The following ACACA variants were observed in gnomAD, a reference collection of about 807,000 sequenced individuals.
ACACA encodes the protein acetyl-CoA carboxylase 1.
In ACACA, 103 loss-of-function variants were observed where a neutral mutation model predicts 296.1. That is an observed-to-expected ratio of 0.35 (90% CI 0.30 to 0.41). The LOEUF (loss-of-function observed/expected upper bound fraction) is 0.41, where lower values mean the gene tolerates loss of function less well. ACACA is among the 10% of genes least tolerant of loss of function. The pLI is 1.00. For synonymous variants in ACACA, 953 were observed against 1,038.6 expected (o/e 0.92, Z 1.58); for missense variants, 1,554 against 2,989.7 (o/e 0.52, Z 11.20).
At chr17:37,151,233 T>A in intron 44 of ACACA, 68 bp downstream of exon 44, 1 of 1,591,064 alleles carries the variant, frequency 6.3e-7, no homozygotes, top group Admixed American at 1.7e-5. Flanking sequence ...ATAGCAGTGA[T>A]AAGAGAAAAA....
chr17:37,268,737 CTATCTATATATA>C (rs1171975970), intron 10 of ACACA, among the ~76,000 whole-genome samples: 1 of 70,934 alleles, frequency 1.4e-5, no homozygotes, highest in Non-Finnish European at 2.6e-5. Context: ...ATCTATCTAT[CTATCTATATATA>C]TATATATATA....
At chr17:37,290,478 T>C (rs1262791512) in intron 3 of ACACA, among the ~76,000 whole-genome samples, 1 of 152,216 alleles carries the variant, frequency 6.6e-6, no homozygotes, top group Non-Finnish European at 1.5e-5. Flanking sequence ...GGCATATTAA[T>C]CCTCGCAATA....
intron 1 of ACACA, among the ~76,000 whole-genome samples, chr17:37,400,742 G>GTGTGTC (rs1200987922): frequency 1.4e-5 from 2 of 146,046 alleles, no homozygotes; most frequent in African/African-American, 2.5e-5. Context: ...GTGTGTGTCT[G>GTGTGTC]TGTGTGTGTG....
chr17:37,359,432 G>C (rs931833912), intron 1 of ACACA, among the ~76,000 whole-genome samples: 1 of 151,780 alleles, frequency 6.6e-6, no homozygotes, highest in Non-Finnish European at 1.5e-5. Flanking sequence ...GGCGGGCCGC[G>C]GGCGGGCCCT....
chr17:37,139,408 T>C (rs965239126), intron 45 of ACACA, among the ~76,000 whole-genome samples: 1 of 152,174 alleles, frequency 6.6e-6, no homozygotes, highest in South Asian at 2.1e-4. Context: ...GGTAGAGATA[T>C]AATGAAGGTC....
rs73982245 is a variant in ACACA, at chr17:37,145,524, C to T, written c.5679+4340G>A. 1.2e-3 allele frequency among the ~76,000 whole-genome samples: 177 copies of T among 152,250 alleles called. 1 individual carries two copies. The highest frequency in any genetic ancestry group is 4.2e-3 in the African/African-American group (173 of 41,536). Reference sequence around the variant, plus strand: ...CACGACATTTGGACAAACAGGAAAACGACCGGACCACCTTCTCTTAGGCTT... The same window carrying T: ...CACGACATTTGGACAAACAGGAAAATGACCGGACCACCTTCTCTTAGGCTT... On this transcript the variant is annotated intron_variant, in intron 45 of 55. Coordinates refer to ENST00000616317, the MANE Select transcript of ACACA (RefSeq NM_198834.3).
At chr17:37,227,957 C>T (rs547704090) in intron 25 of ACACA, among the ~76,000 whole-genome samples, 8 of 151,896 alleles carry the variant, frequency 5.3e-5, no homozygotes, top group Non-Finnish European at 5.9e-5. Context: ...AAAGAAGACC[C>T]AAAGGGCCTG....
chr17:37,169,568 TC>T (rs2076808513), intron 41 of ACACA, among the ~76,000 whole-genome samples: 1 of 152,194 alleles, frequency 6.6e-6, no homozygotes, highest in Admixed American at 6.5e-5. Context: ...GTTAAGTTTT[TC>T]AGTCAAATTA....
Position 37,113,995 on chromosome 17 carries a change from C to T in ACACA, c.6275-730G>A, listed in dbSNP as rs2074109387. 6.6e-6 allele frequency among the ~76,000 whole-genome samples: 1 copy of T among 152,018 alleles called. No homozygotes were observed. The highest frequency in any genetic ancestry group is 1.5e-5 in the Non-Finnish European group (1 of 67,982). On this transcript the variant is annotated intron_variant, in intron 50 of 55. Transcript: ENST00000616317. The surrounding 1 kb of genome is among the most constrained non-coding windows in gnomAD (Gnocchi z 4.0). ...GCCACATGAGAAGAACAGACCCAAC[C>T]AGGGCAGCATAGTGAGAACCTGTCT...
At chr17:37,159,473 C>T (rs1299821380) in intron 42 of ACACA, among the ~76,000 whole-genome samples, 1 of 152,146 alleles carries the variant, frequency 6.6e-6, no homozygotes. Context: ...CTGCCTGCCT[C>T]GGCCTCCCGA....
Position 37,369,703 on chromosome 17 carries a change from C to CT in ACACA, c.39-29854dup, listed in dbSNP as rs549082216. On this transcript the variant is annotated intron_variant, in intron 1 of 55. Transcript: ENST00000616317. ...ATGGCAAGAATCTGGATAATACATT[C>CT]TTTTTTTTGTTTTGTTTTTGAGATG... Among the ~76,000 whole-genome samples the CT allele has an allele frequency of 4.3e-4, 65 of 151,612 alleles. No homozygotes were observed. The East Asian group carries it at 0.012, about 27-fold the overall frequency.
rs1340562194 is a variant in ACACA, at chr17:37,096,984, T to G, written c.6891+12A>C. ...CTCAGCAAAAAGGCTTCTCTTTGAG[T>G]GTCCCACCTACCTTCACTGTTCCTT... On this transcript the variant is annotated intron_variant, in intron 54 of 55. Coordinates refer to ENST00000616317, the MANE Select transcript of ACACA (RefSeq NM_198834.3). 1 of 1,613,938 alleles carries G rather than the reference T, an allele frequency of 6.2e-7. No individual in the cohort carries two copies. The highest frequency in any genetic ancestry group is 8.5e-7 in the Non-Finnish European group (1 of 1,180,036).
intron 41 of ACACA, among the ~76,000 whole-genome samples, chr17:37,176,601 C>T (rs962188877): frequency 1.3e-5 from 2 of 152,060 alleles, no homozygotes; most frequent in Admixed American, 6.5e-5. Context: ...AAAATTAAAC[C>T]GCAATAGCTG....
intron 44 of ACACA, among the ~76,000 whole-genome samples, chr17:37,150,283 T>C (rs1261604518): frequency 2.6e-5 from 4 of 152,116 alleles, no homozygotes; most frequent in Non-Finnish European, 4.4e-5. Flanking sequence ...AGCTCACACC[T>C]GTAATCCCGG....
At chr17:37,153,802 A>G (rs1452710064) in intron 43 of ACACA, among the ~76,000 whole-genome samples, 2 of 152,198 alleles carry the variant, frequency 1.3e-5, no homozygotes, top group African/African-American at 4.8e-5. Context: ...ATGAACCAAG[A>G]AAGTTTGGGA....
chr17:37,112,950 G>A (rs1422738223), intron 51 of ACACA, 138 bp downstream of exon 51: 2 of 1,043,006 alleles, frequency 1.9e-6, no homozygotes, highest in Non-Finnish European at 2.9e-6. Context: ...GACCTGGACT[G>A]TAATGGAAGG....
chr17:37,248,695 G>A, intron 16 of ACACA, 21 bp from the exon 17 acceptor site: 1 of 1,525,208 alleles, frequency 6.6e-7, no homozygotes, highest in South Asian at 1.1e-5. Flanking sequence ...GATGAGAGAG[G>A]AACTTACTAC....
At chr17:37,293,451 T>A (rs2083171825) in intron 3 of ACACA, among the ~76,000 whole-genome samples, 1 of 152,108 alleles carries the variant, frequency 6.6e-6, no homozygotes, top group Non-Finnish European at 1.5e-5. Context: ...AATTCCACAA[T>A]TTGTAGAAAC....
chr17:37,251,856 C>T, intron 16 of ACACA, 149 bp downstream of exon 16: 1 of 740,046 alleles, frequency 1.4e-6, no homozygotes, highest in Non-Finnish European at 2.3e-6. Flanking sequence ...TGTCAACATC[C>T]CCTCTTTCTT....
Sources: gnomAD v4.1 joint callset for allele counts (sites outside exome capture counted in the v4.1 genomes callset) on GRCh38, gnomAD v4.1.1 for gene constraint, Gnocchi (gnomAD v3.1) non-coding constraint, MANE v1.5 for transcripts, NCBI Gene and HGNC (gene_info 2026-07-23, HGNC 2026-07-21) for gene names.